The following SLC17A1 variants were observed in gnomAD, a reference collection of about 807,000 sequenced individuals.
The protein encoded by SLC17A1 is solute carrier family 17 member 1.
In SLC17A1, 51 loss-of-function variants were observed where a neutral mutation model predicts 53.5. That is an observed-to-expected ratio of 0.95 (90% CI 0.76 to 1.20). The LOEUF is 1.20. Ranked by LOEUF, SLC17A1 falls within the 50% of genes most tolerant of loss-of-function variation. The pLI, the probability that SLC17A1 is intolerant of heterozygous loss-of-function variation, is 0.00. For missense variants in SLC17A1, 538 were observed against 568.2 expected (o/e 0.95, Z 0.54); for synonymous variants, 179 against 198.8 (o/e 0.90, Z 0.84).
the SLC17A1 span, among the ~76,000 whole-genome samples, chr6:25,728,131 G>A: frequency 6.6e-6 from 1 of 152,138 alleles, no homozygotes. Context: ...AGTATAACTT[G>A]CATTATGATC....
the SLC17A1 span, among the ~76,000 whole-genome samples, chr6:25,737,959 C>A: frequency 3.3e-5 from 5 of 152,130 alleles, no homozygotes; most frequent in Non-Finnish European, 7.3e-5. Context: ...TTAAATTCAA[C>A]TGTATACTGG....
At chr6:25,776,576 C>T in the SLC17A1 span, 5 of 1,585,522 alleles carry the variant, frequency 3.2e-6, no homozygotes, top group Non-Finnish European at 4.3e-6. Flanking sequence ...ATGCACCTGA[C>T]CTAGTCTCTG....
At chr6:25,758,368 A>G in the SLC17A1 span, among the ~76,000 whole-genome samples, 1 of 152,154 alleles carries the variant, frequency 6.6e-6, no homozygotes, top group African/African-American at 2.4e-5. Flanking sequence ...GTGTCCCTGA[A>G]ATTTATTTTT....
At chr6:25,770,817 T>A in the SLC17A1 span, 74 of 826,096 alleles carry the variant, frequency 9.0e-5, no homozygotes, top group East Asian at 1.8e-3. Context: ...CTAGATAGTT[T>A]GGCTTGAAAC....
At chr6:25,741,111 G>GTA in the SLC17A1 span, among the ~76,000 whole-genome samples, 1 of 152,176 alleles carries the variant, frequency 6.6e-6, no homozygotes, top group Non-Finnish European at 1.5e-5. Context: ...AGTAGGATGA[G>GTA]TATAGTTAAT....
chr6:25,742,216 G>A, the SLC17A1 span, among the ~76,000 whole-genome samples: 1 of 152,186 alleles, frequency 6.6e-6, no homozygotes, highest in Non-Finnish European at 1.5e-5. Context: ...TTCAGCTATG[G>A]TGGCCAATCA....
chr6:25,742,007 G>A, the SLC17A1 span, among the ~76,000 whole-genome samples: 1 of 152,200 alleles, frequency 6.6e-6, no homozygotes, highest in African/African-American at 2.4e-5. Context: ...ACAGCTGGGT[G>A]AGGGAGCATT....
chr6:25,768,915 T>C, the SLC17A1 span: 2 of 1,385,774 alleles, frequency 1.4e-6, no homozygotes, highest in Non-Finnish European at 2.0e-6. Context: ...AATCTTCTCC[T>C]TCTTCCAGAC....
chr6:25,770,075 A>G, the SLC17A1 span: 14 of 1,613,864 alleles, frequency 8.7e-6, no homozygotes, highest in East Asian at 3.1e-4. Context: ...AGGCCCCTGC[A>G]TATGACTGGA....
downstream of SLC17A1, chr6:25,779,325 C>A: frequency 1.6e-6 from 2 of 1,250,212 alleles, no homozygotes; most frequent in Non-Finnish European, 2.2e-6. Context: ...TTTTACCATG[C>A]CTGGAAATTT....
the SLC17A1 span, chr6:25,776,959 G>T: frequency 6.2e-7 from 1 of 1,608,632 alleles, no homozygotes; most frequent in Non-Finnish European, 8.5e-7. Context: ...ATTGCTCCTC[G>T]GTAGGGACCT....
intron 10 of SLC17A1, among the ~76,000 whole-genome samples, chr6:25,810,055 T>C (rs1179681444): frequency 2.6e-5 from 4 of 152,048 alleles, no homozygotes; most frequent in Non-Finnish European, 5.9e-5. Flanking sequence ...GACAACTGGG[T>C]ATCCACATGC....
chr6:25,735,708 A>G, the SLC17A1 span, among the ~76,000 whole-genome samples: 1 of 152,226 alleles, frequency 6.6e-6, no homozygotes, highest in Non-Finnish European at 1.5e-5. Flanking sequence ...GCATTCTGAC[A>G]TTACTTTCTA....
chr6:25,803,661 C>G (rs566000160), intron 10 of SLC17A1, among the ~76,000 whole-genome samples: 1 of 151,872 alleles, frequency 6.6e-6, no homozygotes, highest in Admixed American at 6.6e-5. Flanking sequence ...ATTTTGAGCT[C>G]AAAATTAAGT....
intron 12 of SLC17A1, among the ~76,000 whole-genome samples, chr6:25,791,803 T>C (rs1763505799): frequency 6.6e-6 from 1 of 152,236 alleles, no homozygotes; most frequent in Admixed American, 6.5e-5. Flanking sequence ...CCATTGCCCA[T>C]GTGGCTGTGA....
the SLC17A1 span, among the ~76,000 whole-genome samples, chr6:25,737,667 C>G: frequency 3.3e-5 from 5 of 152,090 alleles, no homozygotes; most frequent in African/African-American, 1.2e-4. Flanking sequence ...ACCCAAATAA[C>G]ATGATTTTGG....
intron 6 of SLC17A1, among the ~76,000 whole-genome samples, chr6:25,817,105 A>C (rs1479217060): frequency 2.0e-5 from 3 of 150,936 alleles, no homozygotes; most frequent in Non-Finnish European, 4.4e-5. Context: ...CACCTCAGCA[A>C]CCCAAAGTGC....
the SLC17A1 span, chr6:25,768,358 G>A: frequency 2.0e-5 from 20 of 985,346 alleles, no homozygotes; most frequent in Admixed American, 6.1e-5. Flanking sequence ...AATTCTTCCC[G>A]CTGTTGTCAA....
chr6:25,817,390 T>C (rs1366167629), intron 6 of SLC17A1, among the ~76,000 whole-genome samples: 1 of 152,196 alleles, frequency 6.6e-6, no homozygotes, highest in Non-Finnish European at 1.5e-5. Flanking sequence ...TCATGTAATT[T>C]ATAGTAAAAA....
Sources: allele counts gnomAD v4.1 joint callset (sites outside exome capture counted in the v4.1 genomes callset), GRCh38; gene constraint gnomAD v4.1.1; transcripts MANE v1.5; gene names NCBI Gene and HGNC (gene_info 2026-07-23, HGNC 2026-07-21).